The following FCHSD2 variants were observed in gnomAD, a reference collection of about 807,000 sequenced individuals.
FCHSD2 encodes the protein FCH and double SH3 domains 2, also known as F-BAR and double SH3 domains protein 2.
A neutral mutation model predicts 108.1 loss-of-function variants in FCHSD2; 38 were observed. The observed-to-expected ratio is 0.35, with a 90% CI of 0.27 to 0.46. FCHSD2 has a LOEUF of 0.46. Among genes scored for constraint, FCHSD2 ranks in the 20% least tolerant of loss-of-function variants. FCHSD2 has a pLI of 1.00. For synonymous variants in FCHSD2, 279 were observed against 314.7 expected, an observed-to-expected ratio of 0.89 and a Z score of 1.20; for missense variants, 751 against 897.8, an observed-to-expected ratio of 0.84 and a Z score of 2.09.
intron 11 of FCHSD2, among the ~76,000 whole-genome samples, chr11:72,889,120 AATTTTTTGTATTTTTAGTAG>A (rs1209145633): frequency 3.3e-5 from 5 of 151,582 alleles, no homozygotes; most frequent in Non-Finnish European, 7.4e-5. Context: ...ACACTCGGCT[AATTTTTTGTATTTTTAGTAG>A]AGATGGGGTT....
chr11:72,966,648 A>G (rs1475173135), intron 8 of FCHSD2, among the ~76,000 whole-genome samples: 2 of 152,314 alleles, frequency 1.3e-5, no homozygotes, highest in East Asian at 3.9e-4. Context: ...TATATATGTC[A>G]GTTACTGTGC....
At chr11:73,026,600 T>C (rs1362812824) in intron 3 of FCHSD2, among the ~76,000 whole-genome samples, 2 of 152,336 alleles carry the variant, frequency 1.3e-5, no homozygotes, top group East Asian at 1.9e-4. Flanking sequence ...TATATTCAAA[T>C]AGACTTAATT....
intron 2 of FCHSD2, among the ~76,000 whole-genome samples, chr11:73,110,522 A>G (rs1036630696): frequency 3.3e-5 from 5 of 152,002 alleles, no homozygotes; most frequent in Admixed American, 6.5e-5. Context: ...TTTTTTCAGT[A>G]TTAGCTGTAA....
chr11:72,987,194 A>G (rs1342172654), intron 6 of FCHSD2, among the ~76,000 whole-genome samples: 1 of 152,192 alleles, frequency 6.6e-6, no homozygotes, highest in Non-Finnish European at 1.5e-5. Flanking sequence ...TATAAAAACT[A>G]TAGGTAGTAC....
chr11:72,842,886 C>T (rs576622316), intron 16 of FCHSD2, 45 bp from the exon 17 acceptor site: 29 of 1,527,516 alleles, frequency 1.9e-5, no homozygotes, highest in South Asian at 3.4e-5. Flanking sequence ...AATTAACAGC[C>T]GGTTGCTTTT....
chr11:73,113,306 T>C (rs931260921), intron 2 of FCHSD2, among the ~76,000 whole-genome samples: 2 of 150,866 alleles, frequency 1.3e-5, no homozygotes, highest in African/African-American at 2.4e-5. Context: ...TCCAGGACTG[T>C]TCCCTGGTAC....
At chr11:72,997,431 C>G (rs549225814) in intron 5 of FCHSD2, among the ~76,000 whole-genome samples, 1 of 152,054 alleles carries the variant, frequency 6.6e-6, no homozygotes, top group African/African-American at 2.4e-5. Context: ...CTTCCCAGAG[C>G]CTCTACAGTT....
intron 14 of FCHSD2, among the ~76,000 whole-genome samples, chr11:72,846,081 T>C (rs1482225115): frequency 3.6e-4 from 5 of 13,988 alleles, no homozygotes; most frequent in African/African-American, 4.9e-4. Flanking sequence ...GATAGATAGA[T>C]AGATAGATAG....
At chr11:72,913,507 G>T (rs755978397) in intron 9 of FCHSD2, among the ~76,000 whole-genome samples, 4 of 152,154 alleles carry the variant, frequency 2.6e-5, no homozygotes, top group Non-Finnish European at 5.9e-5. Flanking sequence ...GGCCTCAAGT[G>T]ATCCACCCAC....
chr11:73,036,656 G>A (rs1245741257), intron 3 of FCHSD2, among the ~76,000 whole-genome samples: 1 of 152,052 alleles, frequency 6.6e-6, no homozygotes, highest in South Asian at 2.1e-4. Flanking sequence ...TCTACTTTGG[G>A]TATCTTACTG....
In FCHSD2 at chr11:73,081,213, A is replaced by C. The variant is rs539974737; in HGVS notation, c.165+2482T>G. On this transcript the variant is annotated intron_variant, in intron 3 of 19. Transcript: ENST00000409418. ...CACTTTGGGAGGCCGAGGCAGGTGGATCACAAGGTCAAGAGATCGAGATCA... is the reference window on the plus strand; with the variant it reads ...CACTTTGGGAGGCCGAGGCAGGTGGCTCACAAGGTCAAGAGATCGAGATCA... Among the ~76,000 whole-genome samples the C allele has an allele frequency of 1.2e-3, 179 of 152,282 alleles. 1 individual carries two copies. The highest frequency in any genetic ancestry group is 4.1e-3 in the African/African-American group (172 of 41,574).
intron 3 of FCHSD2, among the ~76,000 whole-genome samples, chr11:73,057,926 C>T (rs1859067008): frequency 6.6e-6 from 1 of 150,730 alleles, no homozygotes; most frequent in Non-Finnish European, 1.5e-5. Flanking sequence ...GTCGCCCAGG[C>T]TGGAGTGCAG....
chr11:73,059,502 C>T (rs948054205), intron 3 of FCHSD2, among the ~76,000 whole-genome samples: 3 of 152,084 alleles, frequency 2.0e-5, no homozygotes, highest in South Asian at 2.1e-4. Flanking sequence ...TCCCTAAAAA[C>T]GAGGAATGCT....
At chr11:72,948,367 CTGAA>C (rs1856558941) in intron 8 of FCHSD2, among the ~76,000 whole-genome samples, 1 of 152,144 alleles carries the variant, frequency 6.6e-6, no homozygotes, top group African/African-American at 2.4e-5. Context: ...TTCAAAATTA[CTGAA>C]TGTTTCATTT....
chr11:72,906,227 CTTT>C (rs1005783783), intron 9 of FCHSD2, among the ~76,000 whole-genome samples: 2 of 152,142 alleles, frequency 1.3e-5, no homozygotes, highest in African/African-American at 4.8e-5. Context: ...TAAATGTCTT[CTTT>C]TGAGAAGTGT....
At chr11:72,863,553 T>TA (rs781509171) in intron 13 of FCHSD2, among the ~76,000 whole-genome samples, 1 of 151,674 alleles carries the variant, frequency 6.6e-6, no homozygotes, top group Non-Finnish European at 1.5e-5. Context: ...ATTAAGGAAA[T>TA]AAAAAAATAA....
intron 2 of FCHSD2, among the ~76,000 whole-genome samples, chr11:73,099,063 T>A (rs1375609708): frequency 6.6e-6 from 1 of 151,730 alleles, no homozygotes; most frequent in Non-Finnish European, 1.5e-5. Context: ...AATAAAAAAA[T>A]TAATTAGTCG....
intron 13 of FCHSD2, among the ~76,000 whole-genome samples, chr11:72,852,576 A>C (rs926164435): frequency 2.0e-5 from 3 of 152,188 alleles, no homozygotes; most frequent in Admixed American, 2.0e-4. Context: ...AGGCACGAGA[A>C]TTGCTTGAAC....
chr11:73,087,498 G>A (rs1859847970), intron 2 of FCHSD2, among the ~76,000 whole-genome samples: 1 of 152,076 alleles, frequency 6.6e-6, no homozygotes, highest in African/African-American at 2.4e-5. Context: ...TTGAGGTCAG[G>A]AGTTTGAGAC....
Sources: allele counts gnomAD v4.1 joint callset (sites outside exome capture counted in the v4.1 genomes callset), GRCh38; gene constraint gnomAD v4.1.1; transcripts MANE v1.5; gene names NCBI Gene and HGNC (gene_info 2026-07-23, HGNC 2026-07-21).